Variants in MVB12B observed in about 807,000 individuals in gnomAD.
MVB12B encodes the protein ESCRT-I complex subunit MVB12B.
Under a neutral mutation model 41.6 loss-of-function variants are expected in MVB12B, and 16 were observed. The ratio of observed to expected loss-of-function variants is 0.38; its 90% CI spans 0.26 to 0.58. The LOEUF (loss-of-function observed/expected upper bound fraction) is 0.58, where lower values mean the gene tolerates loss of function less well. MVB12B is among the 20% of genes least tolerant of loss of function. MVB12B has a pLI of 0.62. For missense variants in MVB12B, 274 were observed against 380.2 expected, an observed-to-expected ratio of 0.72 and a Z score of 2.32; for synonymous variants, 133 against 139.7, an observed-to-expected ratio of 0.95 and a Z score of 0.34.
chr9:126,452,336 C>T (rs1451235871), intron 7 of MVB12B, among the ~76,000 whole-genome samples: 3 of 152,228 alleles, frequency 2.0e-5, no homozygotes, highest in Non-Finnish European at 2.9e-5. Context: ...GTAAAGAAGA[C>T]ATGGCCCTGC....
In MVB12B at chr9:126,367,556, A is replaced by G. The variant is rs1322408501; in HGVS notation, c.205-13508A>G. On this transcript the variant is annotated intron_variant, in intron 2 of 9. Coordinates refer to ENST00000361171, the MANE Select transcript of MVB12B (RefSeq NM_033446.3). The surrounding 1 kb of genome is among the most constrained non-coding windows in gnomAD (Gnocchi z 4.3). Reference sequence around the variant, plus strand: ...TGCCTTTGGTTCTGTTTATCCTCCCAGCAGCCTGCCTCTTCTCCTTCTGCC... The same window carrying G: ...TGCCTTTGGTTCTGTTTATCCTCCCGGCAGCCTGCCTCTTCTCCTTCTGCC... Among the ~76,000 whole-genome samples the G allele has an allele frequency of 6.6e-6, 1 of 152,116 alleles. No homozygotes were observed. Among genetic ancestry groups the G allele is most frequent in the Non-Finnish European group, 1.5e-5 (1 of 68,016 alleles).
intron 7 of MVB12B, among the ~76,000 whole-genome samples, chr9:126,439,913 A>G (rs576325881): frequency 3.3e-5 from 5 of 152,360 alleles, no homozygotes; most frequent in Admixed American, 1.3e-4. Flanking sequence ...ATGTATCTTA[A>G]GTACAGTCAT....
At chr9:126,471,032 T>C (rs958920126) in intron 7 of MVB12B, among the ~76,000 whole-genome samples, 1 of 152,224 alleles carries the variant, frequency 6.6e-6, no homozygotes, top group African/African-American at 2.4e-5. Flanking sequence ...GTATTATTAT[T>C]TTCTCTCTTC....
rs913669805 is a variant in MVB12B, at chr9:126,395,319, G to A, written c.540-256G>A. Reference sequence around the variant, plus strand: ...AGAAGCAAGGAAAGTACCAGTTGGAGTAGGAAGGCAAGCTTGGGAAGGGTG... The same window carrying A: ...AGAAGCAAGGAAAGTACCAGTTGGAATAGGAAGGCAAGCTTGGGAAGGGTG... On this transcript the variant is annotated intron_variant, in intron 5 of 9. Coordinates refer to ENST00000361171, the MANE Select transcript of MVB12B (RefSeq NM_033446.3). This position sits in a 1 kb window ranked among gnomAD's most constrained non-coding sequence, Gnocchi z 4.9. Among the ~76,000 whole-genome samples the A allele has an allele frequency of 6.6e-6, 1 of 152,236 alleles. No individual in the cohort carries two copies. The highest frequency in any genetic ancestry group is 1.5e-5 in the Non-Finnish European group (1 of 68,040).
chr9:126,386,466 G>A lies in MVB12B; in HGVS notation c.313-96G>A. 1 of 773,310 alleles carries A rather than the reference G, an allele frequency of 1.3e-6. No individual in the cohort carries two copies. Among genetic ancestry groups the A allele is most frequent in the South Asian group, 1.5e-5 (1 of 66,010 alleles). 47.9% of individuals were successfully genotyped at this position (773,310 alleles called of 1,614,324 possible). A position where few individuals can be genotyped will look rare whatever the true frequency, so the allele number is the denominator to read the frequency against. On this transcript the variant is annotated intron_variant, in intron 3 of 9. Coordinates refer to ENST00000361171, the MANE Select transcript of MVB12B (RefSeq NM_033446.3). The surrounding 1 kb of genome is among the most constrained non-coding windows in gnomAD (Gnocchi z 4.3). ...AACCTGCTGTCATAAAGCTGCACGA[G>A]TCATTGTGTTAAATATGCATCTGGA...
rs1015617756 is a variant in MVB12B at position 126,471,713 on chromosome 9, G to A, written c.758-9656G>A. On this transcript the variant is annotated intron_variant, in intron 7 of 9. Coordinates refer to ENST00000361171, the MANE Select transcript of MVB12B (RefSeq NM_033446.3). Reference sequence around the variant, plus strand: ...CCATTACAAATTGTAAAGGACTTTTGAAACGCCACAGGAAAGGGGCGAAGA... The same window carrying A: ...CCATTACAAATTGTAAAGGACTTTTAAAACGCCACAGGAAAGGGGCGAAGA... Among the ~76,000 whole-genome samples the A allele has an allele frequency of 7.2e-5, 11 of 152,148 alleles. 1 individual carries two copies. The highest frequency in any genetic ancestry group is 1.9e-4 in the African/African-American group (8 of 41,410).
rs1288897028 is a variant in MVB12B, at chr9:126,503,616, CCGGCTCCCT to C, written c.*355_*363del. 6.2e-6 allele frequency: 2 copies of C among 324,362 alleles called. No individual in the cohort carries two copies. The highest frequency in any genetic ancestry group is 1.1e-5 in the Non-Finnish European group (2 of 179,428). 20.1% of individuals were successfully genotyped at this position (324,362 alleles called of 1,614,324 possible). On this transcript the variant is annotated 3_prime_UTR_variant, in exon 10 of 10. Transcript: ENST00000361171. ...TGCCCTGGCCGCCCAGTGACGCCCA[CCGGCTCCCT>C]CCGCTCCCTCCTGTCACCTACCAGG...
intron 6 of MVB12B, among the ~76,000 whole-genome samples, chr9:126,404,396 C>G (rs1831357579): frequency 6.6e-6 from 1 of 152,200 alleles, no homozygotes; most frequent in Non-Finnish European, 1.5e-5. Context: ...GGATCTGCAC[C>G]CAAGCAGGCA....
At chr9:126,336,021 G>A (rs1282788712) in intron 1 of MVB12B, among the ~76,000 whole-genome samples, 1 of 152,264 alleles carries the variant, frequency 6.6e-6, no homozygotes, top group East Asian at 1.9e-4. Flanking sequence ...CATGGCAGGA[G>A]GCCGAGATGG....
intron 7 of MVB12B, among the ~76,000 whole-genome samples, chr9:126,461,847 C>T (rs1036515827): frequency 7.0e-5 from 6 of 85,706 alleles, no homozygotes; most frequent in African/African-American, 2.9e-4. Context: ...GGGTCGGTGC[C>T]CGTGGGGGTT....
chr9:126,456,677 T>G (rs1040837449), intron 7 of MVB12B, among the ~76,000 whole-genome samples: 2 of 152,154 alleles, frequency 1.3e-5, no homozygotes, highest in African/African-American at 4.8e-5. Flanking sequence ...TTGGCCACCT[T>G]GAACGCGCAG....
chr9:126,408,093 C>T (rs751819712), intron 6 of MVB12B: 2 of 152,130 alleles, frequency 1.3e-5, no homozygotes, highest in Admixed American at 6.5e-5. Context: ...TAATATCTTT[C>T]GGTGGAAACT....
intron 4 of MVB12B, among the ~76,000 whole-genome samples, chr9:126,388,143 A>G (rs939256282): frequency 8.5e-5 from 13 of 152,080 alleles, no homozygotes; most frequent in Non-Finnish European, 1.6e-4. Context: ...CATTTTCAGG[A>G]TATCACCCCT....
intron 6 of MVB12B, chr9:126,396,845 T>C (rs561526580): frequency 2.0e-6 from 2 of 985,470 alleles, no homozygotes; most frequent in Admixed American, 6.1e-5. Flanking sequence ...CTAATAAGCC[T>C]CCCAGAGTTG....
intron 2 of MVB12B, among the ~76,000 whole-genome samples, chr9:126,372,614 C>G (rs1474319533): frequency 6.6e-6 from 1 of 152,100 alleles, no homozygotes; most frequent in Non-Finnish European, 1.5e-5. Flanking sequence ...TGGTTAAGTG[C>G]CTTTTGTGCT....
intron 8 of MVB12B, among the ~76,000 whole-genome samples, chr9:126,482,415 T>G (rs1243385827): frequency 6.6e-6 from 1 of 152,238 alleles, no homozygotes; most frequent in Non-Finnish European, 1.5e-5. Flanking sequence ...AGAATAGGCC[T>G]CCTCTGAACC....
chr9:126,453,851 C>T (rs1193988628), intron 7 of MVB12B, among the ~76,000 whole-genome samples: 1 of 152,232 alleles, frequency 6.6e-6, no homozygotes, highest in African/African-American at 2.4e-5. Flanking sequence ...GTGGCCTCCC[C>T]TCCTCTCTGG....
Position 126,480,690 on chromosome 9 carries a change from GACAGCC to G in MVB12B, c.758-676_758-671del. ...GCCCTGGGTCTGAGTGACTGAGAGC[GACAGCC>G]ACTGTTGCCCCCACATGCCAAGCAC... On this transcript the variant is annotated intron_variant, in intron 7 of 9. Transcript: ENST00000361171. This position sits in a 1 kb window ranked among gnomAD's most constrained non-coding sequence, Gnocchi z 4.9. 6.6e-6 allele frequency: 1 copy of G among 152,414 alleles called. No homozygotes were observed. The highest frequency in any genetic ancestry group is 2.4e-5 in the African/African-American group (1 of 41,560). 9.4% of individuals were successfully genotyped at this position (152,414 alleles called of 1,614,324 possible). A position where few individuals can be genotyped will look rare whatever the true frequency, so the allele number is the denominator to read the frequency against.
chr9:126,332,990 T>C (rs1829169964), intron 1 of MVB12B, among the ~76,000 whole-genome samples: 1 of 152,262 alleles, frequency 6.6e-6, no homozygotes. Context: ...GTGCTAAGAC[T>C]ACGTGCTTGC....
Sources: allele counts gnomAD v4.1 joint callset (sites outside exome capture counted in the v4.1 genomes callset), GRCh38; gene constraint gnomAD v4.1.1; non-coding constraint Gnocchi (gnomAD v3.1); transcripts MANE v1.5; gene names NCBI Gene and HGNC (gene_info 2026-07-23, HGNC 2026-07-21).